Variants in CMC1 observed in about 807,000 individuals in gnomAD.
The protein encoded by CMC1 is C-X9-C motif containing 1.
Under a neutral mutation model 14.1 loss-of-function variants are expected in CMC1, and 14 were observed. That is an observed-to-expected ratio of 0.99 (90% confidence interval 0.66 to 1.55). The LOEUF is 1.55. Ranked by LOEUF, CMC1 falls within the 40% of genes most tolerant of loss-of-function variation. CMC1 has a pLI of 0.00. For missense variants in CMC1, 127 were observed against 123.8 expected, an observed-to-expected ratio of 1.03 and a Z score of -0.12; for synonymous variants, 50 against 38.4, an observed-to-expected ratio of 1.30 and a Z score of -1.12.
chr3:28,273,732 T>A (rs1244254279), intron 2 of CMC1, among the ~76,000 whole-genome samples: 1 of 152,172 alleles, frequency 6.6e-6, no homozygotes, highest in Non-Finnish European at 1.5e-5. Flanking sequence ...TGTGTGGGAG[T>A]CTAAGTCTCT....
intron 3 of CMC1, chr3:28,316,963 G>T (rs1024859739): frequency 2.0e-5 from 3 of 152,018 alleles, no homozygotes; most frequent in Non-Finnish European, 4.4e-5. Flanking sequence ...AAGTAAAAAT[G>T]TGTGAAGTTC....
chr3:28,255,836 A>G (rs185476394), intron 1 of CMC1, among the ~76,000 whole-genome samples: 84 of 152,140 alleles, frequency 5.5e-4, no homozygotes, highest in African/African-American at 2.0e-3. Context: ...TACATAGGCA[A>G]TGAAAATTAG....
intron 2 of CMC1, chr3:28,315,811 C>T (rs995742876): frequency 1.3e-5 from 2 of 152,300 alleles, no homozygotes; most frequent in Admixed American, 1.3e-4. Context: ...AGTACAGTAA[C>T]ATATGGTACA....
chr3:28,260,047 A>AT (rs1249307183), intron 1 of CMC1, among the ~76,000 whole-genome samples: 2 of 151,564 alleles, frequency 1.3e-5, no homozygotes, highest in Non-Finnish European at 2.9e-5. Flanking sequence ...ATTTTGTCCA[A>AT]TTTTTTTTGG....
intron 3 of CMC1, 181 bp from the exon 4 acceptor site, chr3:28,319,328 A>G: frequency 3.1e-6 from 2 of 655,098 alleles, no homozygotes; most frequent in Non-Finnish European, 2.8e-6. Flanking sequence ...ATAAAAATGA[A>G]TGATTTGGTC....
Position 28,323,935 on chromosome 3 carries a change from C to A in CMC1, c.*4306C>A, listed in dbSNP as rs1052254921. 1 of 1,339,726 alleles carries A rather than the reference C, an allele frequency of 7.5e-7. No homozygotes were observed. The highest frequency in any genetic ancestry group is 1.0e-6 in the Non-Finnish European group (1 of 978,090). The allele number at this position is 1,339,726 out of a possible 1,614,324, so 83.0% of individuals were successfully genotyped here. ...GTTCAAATATAGATACTGAAGACCTCTGCAAAATTTTAATCAAAATCTCCT... is the reference window on the plus strand; with the variant it reads ...GTTCAAATATAGATACTGAAGACCTATGCAAAATTTTAATCAAAATCTCCT... On this transcript the variant is annotated 3_prime_UTR_variant, in exon 4 of 4. Transcript: ENST00000466830.
chr3:28,323,252 G>T lies in CMC1; in HGVS notation c.*3623G>T. 1 of 151,262 alleles carries T rather than the reference G, an allele frequency of 6.6e-6. No homozygotes were observed. 9.4% of individuals were successfully genotyped at this position (151,262 alleles called of 1,614,324 possible). A position where few individuals can be genotyped will look rare whatever the true frequency, so the allele number is the denominator to read the frequency against. ...TGTTTATATTATGGCCCACAGAAGG[G>T]CAGATTAGACTGAAATCTGTGTGAT... On this transcript the variant is annotated 3_prime_UTR_variant, in exon 4 of 4. Coordinates refer to ENST00000466830, the MANE Select transcript of CMC1 (RefSeq NM_182523.2).
intron 2 of CMC1, among the ~76,000 whole-genome samples, chr3:28,272,292 T>A (rs1481808851): frequency 6.6e-6 from 1 of 152,154 alleles, no homozygotes; most frequent in Non-Finnish European, 1.5e-5. Context: ...ATCTTTGTCT[T>A]ATGTTTGTTT....
At chr3:28,283,426 A>G (rs189522250) in intron 2 of CMC1, among the ~76,000 whole-genome samples, 11 of 152,046 alleles carry the variant, frequency 7.2e-5, no homozygotes, top group Admixed American at 4.6e-4. Context: ...GGCTGAAGCA[A>G]GAGAATCGCT....
intron 2 of CMC1, among the ~76,000 whole-genome samples, chr3:28,302,191 C>G (rs1702088569): frequency 6.6e-6 from 1 of 152,164 alleles, no homozygotes; most frequent in Non-Finnish European, 1.5e-5. Flanking sequence ...AAAAGTCCAA[C>G]AGGTTCGTTT....
At chr3:28,267,193 G>A (rs778366293) in intron 2 of CMC1, among the ~76,000 whole-genome samples, 24 of 151,950 alleles carry the variant, frequency 1.6e-4, no homozygotes, top group African/African-American at 4.8e-4. Context: ...ATTGTTTGCC[G>A]TATATAGGTA....
At chr3:28,299,318 A>G (rs1701902664) in intron 2 of CMC1, among the ~76,000 whole-genome samples, 1 of 152,080 alleles carries the variant, frequency 6.6e-6, no homozygotes, top group African/African-American at 2.4e-5. Flanking sequence ...TTTCTACTTG[A>G]CTGGAGAGAT....
In CMC1 at chr3:28,322,745, A is replaced by G. The variant is rs1056635776; in HGVS notation, c.*3116A>G. On this transcript the variant is annotated 3_prime_UTR_variant, in exon 4 of 4. Transcript: ENST00000466830. ...TTCCATTAATCACAGACAAGCTTGA[A>G]TAAGTGTAAGATAATAGAAAAAAAT... is the stretch of plus-strand genomic sequence containing the variant. 4 of 151,644 alleles carry G rather than the reference A, an allele frequency of 2.6e-5. No homozygotes were observed. 9.4% of individuals were successfully genotyped at this position (151,644 alleles called of 1,614,324 possible).
intron 2 of CMC1, among the ~76,000 whole-genome samples, chr3:28,284,813 T>C (rs1577046009): frequency 6.6e-6 from 1 of 152,132 alleles, no homozygotes; most frequent in Non-Finnish European, 1.5e-5. Context: ...AGCCAAATTA[T>C]CTAGGCTAGG....
chr3:28,312,476 T>C (rs1471229272), intron 2 of CMC1, among the ~76,000 whole-genome samples: 2 of 152,236 alleles, frequency 1.3e-5, no homozygotes, highest in African/African-American at 4.8e-5. Flanking sequence ...ACTGACTATG[T>C]GCAGAGAAAG....
chr3:28,315,494 G>A (rs1702850237), intron 2 of CMC1, among the ~76,000 whole-genome samples: 1 of 152,152 alleles, frequency 6.6e-6, no homozygotes, highest in South Asian at 2.1e-4. Flanking sequence ...GCAAAGGGAT[G>A]CCTTGCTGCC....
chr3:28,266,806 A>C (rs2125472012), intron 2 of CMC1, among the ~76,000 whole-genome samples: 1 of 152,326 alleles, frequency 6.6e-6, no homozygotes, highest in South Asian at 2.1e-4. Flanking sequence ...TATAAAATTT[A>C]ATTTTATAGT....
intron 2 of CMC1, among the ~76,000 whole-genome samples, chr3:28,271,971 T>C (rs1037898167): frequency 6.6e-6 from 1 of 152,188 alleles, no homozygotes; most frequent in African/African-American, 2.4e-5. Context: ...AGGTATTTTA[T>C]TCTCTTTGTA....
At chr3:28,308,026 G>A (rs1224593264) in intron 2 of CMC1, among the ~76,000 whole-genome samples, 1 of 151,914 alleles carries the variant, frequency 6.6e-6, no homozygotes, top group Non-Finnish European at 1.5e-5. Context: ...GTTCTCTTCC[G>A]CATCTGTCTT....
Sources: allele counts gnomAD v4.1 joint callset (sites outside exome capture counted in the v4.1 genomes callset), GRCh38; gene constraint gnomAD v4.1.1; transcripts MANE v1.5; gene names NCBI Gene and HGNC (gene_info 2026-07-23, HGNC 2026-07-21).